The following EXOC4 variants were observed in gnomAD, a reference collection of about 807,000 sequenced individuals.
The protein encoded by EXOC4 is exocyst complex component 4.
Under a neutral mutation model 107.2 loss-of-function variants are expected in EXOC4, and 71 were observed. The ratio of observed to expected loss-of-function variants is 0.66; its 90% CI spans 0.55 to 0.81. The LOEUF (loss-of-function observed/expected upper bound fraction) is 0.81. EXOC4 is among the 30% of genes least tolerant of loss of function. The probability of loss-of-function intolerance (pLI) is 0.00; values close to 1 mark genes in which losing one functional copy is unlikely to be tolerated. For synonymous variants in EXOC4, 456 were observed against 441.2 expected (o/e 1.03, Z -0.42); for missense variants, 1,108 against 1,189.6 (o/e 0.93, Z 1.01).
intron 5 of EXOC4, among the ~76,000 whole-genome samples, chr7:133,320,070 G>C (rs1408110580): frequency 6.6e-6 from 1 of 152,066 alleles, no homozygotes; most frequent in Non-Finnish European, 1.5e-5. Flanking sequence ...GTTAATAATT[G>C]ATAAAAGTTT....
At chr7:133,332,288 A>T (rs1165507885) in intron 5 of EXOC4, among the ~76,000 whole-genome samples, 1 of 152,202 alleles carries the variant, frequency 6.6e-6, no homozygotes, top group Non-Finnish European at 1.5e-5. Flanking sequence ...TATTTTCTTG[A>T]TGTGCATTTT....
At chr7:133,822,706 A>T (rs1585175521) in intron 11 of EXOC4, among the ~76,000 whole-genome samples, 1 of 152,186 alleles carries the variant, frequency 6.6e-6, no homozygotes, top group Non-Finnish European at 1.5e-5. Flanking sequence ...AGAAATGCAG[A>T]TTCCTGAACC....
At chr7:133,450,994 C>T (rs971199170) in intron 7 of EXOC4, among the ~76,000 whole-genome samples, 2 of 152,128 alleles carry the variant, frequency 1.3e-5, no homozygotes, top group Non-Finnish European at 1.5e-5. Context: ...ACTATGTGGT[C>T]GTGAACGGTT....
At chr7:133,349,562 G>C (rs1468065551) in intron 5 of EXOC4, among the ~76,000 whole-genome samples, 1 of 152,060 alleles carries the variant, frequency 6.6e-6, no homozygotes, top group East Asian at 1.9e-4. Context: ...TTCGTGTGTT[G>C]ATGGACTCTT....
At chr7:133,995,379 T>TA (rs1794365354) in intron 14 of EXOC4, among the ~76,000 whole-genome samples, 8 of 152,222 alleles carry the variant, frequency 5.3e-5, no homozygotes, top group Admixed American at 5.2e-4. Context: ...TTCTCATTGA[T>TA]ACGTAGATAA....
chr7:133,507,141 T>C (rs1408535168), intron 9 of EXOC4, among the ~76,000 whole-genome samples: 1 of 152,124 alleles, frequency 6.6e-6, no homozygotes, highest in Non-Finnish European at 1.5e-5. Flanking sequence ...ATTACAGTTT[T>C]CCTTGGGTAA....
At chr7:134,097,648 G>C in the EXOC4 span, among the ~76,000 whole-genome samples, 22 of 152,174 alleles carry the variant, frequency 1.4e-4, no homozygotes, top group Admixed American at 1.1e-3. Context: ...CAATCCCAAG[G>C]CTTCCTACAC....
chr7:133,915,342 G>A (rs1201272255), intron 12 of EXOC4, among the ~76,000 whole-genome samples: 4 of 152,098 alleles, frequency 2.6e-5, no homozygotes, highest in Non-Finnish European at 5.9e-5. Context: ...GATAGGTCGG[G>A]GAGAAAAGAT....
At chr7:134,074,629 A>G in the EXOC4 span, among the ~76,000 whole-genome samples, 2 of 152,352 alleles carry the variant, frequency 1.3e-5, no homozygotes, top group Admixed American at 6.5e-5. Flanking sequence ...TGTCTGAGCC[A>G]GGACCAGCAT....
intron 12 of EXOC4, among the ~76,000 whole-genome samples, chr7:133,896,534 G>A (rs1361017233): frequency 3.9e-5 from 6 of 152,104 alleles, no homozygotes; most frequent in South Asian, 2.1e-4. Context: ...GGTTGTAGTC[G>A]GGAATGGTTT....
At chr7:133,672,672 G>C (rs1050213043) in intron 10 of EXOC4, among the ~76,000 whole-genome samples, 2 of 151,990 alleles carry the variant, frequency 1.3e-5, no homozygotes, top group East Asian at 3.9e-4. Context: ...ACCAGCAAAG[G>C]GTATTCCAAA....
intron 9 of EXOC4, among the ~76,000 whole-genome samples, chr7:133,506,250 A>T (rs573146286): frequency 5.8e-4 from 89 of 152,200 alleles, no homozygotes; most frequent in African/African-American, 1.6e-3. Flanking sequence ...ATCTAAATGT[A>T]CTCGTGTATG....
intron 9 of EXOC4, among the ~76,000 whole-genome samples, chr7:133,538,857 A>AAGAAAGAG (rs1554469399): frequency 2.6e-3 from 191 of 72,174 alleles, no homozygotes; most frequent in South Asian, 8.4e-3. Context: ...GAAAGAAAGA[A>AAGAAAGAG]AGAGAGAGAG....
intron 14 of EXOC4, among the ~76,000 whole-genome samples, chr7:133,938,631 T>A (rs1178594681): frequency 6.6e-6 from 1 of 152,204 alleles, no homozygotes; most frequent in African/African-American, 2.4e-5. Flanking sequence ...AGGGGGAACC[T>A]CTTTTTCTAT....
At chr7:133,492,909 A>G (rs1366923476) in intron 9 of EXOC4, among the ~76,000 whole-genome samples, 2 of 151,792 alleles carry the variant, frequency 1.3e-5, no homozygotes, top group African/African-American at 2.4e-5. Context: ...TTCTTGGATT[A>G]TCAGTCACTG....
Position 133,435,839 on chromosome 7 carries a change from G to A in EXOC4, c.1183-39489G>A, listed in dbSNP as rs113450314. Among the ~76,000 whole-genome samples the A allele has an allele frequency of 5.3e-3, 809 of 152,164 alleles. 8 individuals carry two copies. The highest frequency in any genetic ancestry group is 0.018 in the South Asian group (89 of 4,814). On this transcript the variant is annotated intron_variant, in intron 7 of 17. Coordinates refer to ENST00000253861, the MANE Select transcript of EXOC4 (RefSeq NM_021807.4). ...TATCTAGGTTGAGGGTAAAGTTTTT[G>A]CCGTTTATTTTGCCACCTAGATTGT...
intron 14 of EXOC4, 91 bp downstream of exon 14, chr7:133,938,160 T>C: frequency 7.8e-7 from 1 of 1,275,700 alleles, no homozygotes; most frequent in Non-Finnish European, 1.1e-6. Flanking sequence ...CTGGTCACCG[T>C]ATGGGGGCGT....
chr7:133,595,759 C>T (rs1286002633), intron 9 of EXOC4, among the ~76,000 whole-genome samples: 2 of 152,180 alleles, frequency 1.3e-5, no homozygotes, highest in African/African-American at 4.8e-5. Flanking sequence ...CTAAAATTTT[C>T]ACTCCTAGCA....
chr7:133,810,367 G>A (rs1378235895), intron 10 of EXOC4, among the ~76,000 whole-genome samples: 2 of 152,084 alleles, frequency 1.3e-5, no homozygotes, highest in African/African-American at 2.4e-5. Context: ...TCCCTTGATA[G>A]CAATCAAATC....
Sources: gnomAD v4.1 joint callset for allele counts (sites outside exome capture counted in the v4.1 genomes callset) on GRCh38, gnomAD v4.1.1 for gene constraint, MANE v1.5 for transcripts, NCBI Gene and HGNC (gene_info 2026-07-23, HGNC 2026-07-21) for gene names.